The following MXI1 variants were observed in gnomAD, a reference collection of about 807,000 sequenced individuals.
MXI1 encodes max-interacting protein 1.
MXI1 carries 18 observed loss-of-function variants against 36.9 expected under a neutral mutation model. The observed-to-expected ratio is 0.49, with a 90% CI of 0.34 to 0.72. The LOEUF is 0.72. Ranked by LOEUF, MXI1 falls within the 30% of genes least tolerant of loss-of-function variation. The pLI, the probability that MXI1 is intolerant of heterozygous loss-of-function variation, is 0.01. For synonymous variants in MXI1, 160 were observed against 146.7 expected (o/e 1.09, Z -0.65); for missense variants, 304 against 379.1 (o/e 0.80, Z 1.64).
chr10:110,284,431 C>A (rs772678824), intron 5 of MXI1, among the ~76,000 whole-genome samples: 1 of 152,184 alleles, frequency 6.6e-6, no homozygotes, highest in Non-Finnish European at 1.5e-5. Context: ...CTCCTGCCCA[C>A]CCTTTAAGGC....
intron 1 of MXI1, among the ~76,000 whole-genome samples, chr10:110,217,890 C>G (rs1214478132): frequency 6.6e-6 from 1 of 152,182 alleles, no homozygotes; most frequent in East Asian, 1.9e-4. Context: ...TGATAATGCC[C>G]TCCTAGTATT....
chr10:110,216,062 A>T (rs1418307828), intron 1 of MXI1, among the ~76,000 whole-genome samples: 1 of 152,250 alleles, frequency 6.6e-6, no homozygotes, highest in African/African-American at 2.4e-5. Context: ...GTGGTCAAAA[A>T]TAATGGGCAT....
intron 3 of MXI1, among the ~76,000 whole-genome samples, chr10:110,269,170 A>G (rs990239193): frequency 1.3e-5 from 2 of 152,196 alleles, no homozygotes; most frequent in African/African-American, 4.8e-5. Context: ...AAGCATGGTT[A>G]CCACTTTTAA....
At chr10:110,273,916 T>TA (rs1856943762) in intron 3 of MXI1, among the ~76,000 whole-genome samples, 2 of 152,186 alleles carry the variant, frequency 1.3e-5, no homozygotes, top group Non-Finnish European at 2.9e-5. Flanking sequence ...ACAGGGGTAT[T>TA]AGAGTTTTGA....
chr10:110,279,946 C>A lies in MXI1; in HGVS notation c.585C>A (p.His195Gln), dbSNP rs770316059. 17 of 1,611,246 alleles carry A rather than the reference C, an allele frequency of 1.1e-5. No homozygotes were observed. The East Asian group carries it at 3.8e-4, about 36-fold the overall frequency. The change falls in exon 5 of 6, where the codon CAC becomes CAA. Residue 195 changes from histidine to glutamine, a missense_variant. By Grantham distance (24) the His-to-Gln change is conservative. Coordinates refer to ENST00000332674, the MANE Select transcript of MXI1 (RefSeq NM_130439.3). ...KLEEAERKSQHQLENLEREQR... is the reference protein window; with the variant it reads ...KLEEAERKSQQQLENLEREQR... Reference sequence around the variant, plus strand: ...AAGAAGCTGAAAGAAAAAGCCAGCACCAGCTCGAGAATTTGGAACGAGAAC... The same window carrying A: ...AAGAAGCTGAAAGAAAAAGCCAGCAACAGCTCGAGAATTTGGAACGAGAAC...
chr10:110,273,406 A>G (rs1222314045), intron 3 of MXI1, among the ~76,000 whole-genome samples: 1 of 152,166 alleles, frequency 6.6e-6, no homozygotes, highest in African/African-American at 2.4e-5. Flanking sequence ...ATGATCATAC[A>G]TGTTTTAGTA....
At chr10:110,214,465 C>G (rs1854580195) in intron 1 of MXI1, among the ~76,000 whole-genome samples, 2 of 151,930 alleles carry the variant, frequency 1.3e-5, no homozygotes, top group South Asian at 4.2e-4. Flanking sequence ...TATTAGAGGA[C>G]TTGGGGCTGT....
At chr10:110,259,686 T>A (rs1368025417) in intron 3 of MXI1, among the ~76,000 whole-genome samples, 1 of 152,064 alleles carries the variant, frequency 6.6e-6, no homozygotes, top group African/African-American at 2.4e-5. Flanking sequence ...AATGAAGAGA[T>A]TCAGATATTT....
intron 3 of MXI1, among the ~76,000 whole-genome samples, chr10:110,271,623 C>T (rs1055071787): frequency 6.6e-6 from 1 of 152,068 alleles, no homozygotes; most frequent in Non-Finnish European, 1.5e-5. Context: ...TATAAAAGCA[C>T]ATTTGGTTAT....
At chr10:110,282,758 CTTTT>C (rs780107704) in intron 5 of MXI1, among the ~76,000 whole-genome samples, 8 of 152,062 alleles carry the variant, frequency 5.3e-5, no homozygotes, top group South Asian at 4.1e-4. Context: ...GTTATGGGGG[CTTTT>C]AGTTAACATC....
chr10:110,277,065 C>T (rs535199845), intron 3 of MXI1, among the ~76,000 whole-genome samples: 40 of 152,160 alleles, frequency 2.6e-4, no homozygotes, highest in African/African-American at 6.7e-4. Context: ...AGGCTGGTCT[C>T]GAACTCTTGG....
intron 3 of MXI1, among the ~76,000 whole-genome samples, chr10:110,278,481 A>G (rs528809445): frequency 6.6e-6 from 1 of 152,300 alleles, no homozygotes; most frequent in South Asian, 2.1e-4. Flanking sequence ...GGATTATTTT[A>G]TGGGTTATTT....
intron 1 of MXI1, among the ~76,000 whole-genome samples, chr10:110,211,143 C>A (rs1285062678): frequency 8.6e-5 from 13 of 151,732 alleles, no homozygotes; most frequent in Non-Finnish European, 5.9e-5. Context: ...ACAACCTCCC[C>A]GCCTTCATTT....
At chr10:110,226,131 CCGG>C (rs1854958317) in intron 1 of MXI1, 19 of 1,302,360 alleles carry the variant, frequency 1.5e-5, no homozygotes, top group Non-Finnish European at 1.8e-5. Context: ...GGAACGGCGC[CCGG>C]CCGTAGCCGC....
intron 1 of MXI1, chr10:110,226,064 G>C (rs1182916448): frequency 9.9e-7 from 1 of 1,012,380 alleles, no homozygotes. Context: ...GGCAGGGGCG[G>C]CGGAGAGCGC....
chr10:110,224,979 C>G (rs1376438679), intron 1 of MXI1, among the ~76,000 whole-genome samples: 1 of 152,182 alleles, frequency 6.6e-6, no homozygotes, highest in Admixed American at 6.5e-5. Flanking sequence ...TCTCCGCTCT[C>G]TAACTTCCTT....
chr10:110,241,138 A>G (rs1855654930), intron 2 of MXI1, among the ~76,000 whole-genome samples: 2 of 152,008 alleles, frequency 1.3e-5, no homozygotes, highest in Admixed American at 1.3e-4. Flanking sequence ...ACTCCCATTC[A>G]AATAGGGAAT....
At chr10:110,218,730 A>G (rs1590329056) in intron 1 of MXI1, among the ~76,000 whole-genome samples, 1 of 152,128 alleles carries the variant, frequency 6.6e-6, no homozygotes, top group Non-Finnish European at 1.5e-5. Context: ...GTGGTTCTGC[A>G]TACTAGGGTG....
rs1431778870 is a variant in MXI1 at position 110,282,305 on chromosome 10, G to GT, written c.724+2226dup. On this transcript the variant is annotated intron_variant, in intron 5 of 5. Coordinates refer to ENST00000332674, the MANE Select transcript of MXI1 (RefSeq NM_130439.3). ...TTGCTGAGTAGGAGCCTTTTAAATAGTTTTTTCATCCTTTTTAACGCAACC... is the reference window on the plus strand; with the variant it reads ...TTGCTGAGTAGGAGCCTTTTAAATAGTTTTTTTCATCCTTTTTAACGCAACC... Among the ~76,000 whole-genome samples, 3 of 152,186 alleles carry GT rather than the reference G, an allele frequency of 2.0e-5. No homozygotes were observed. The South Asian group carries it at 6.2e-4, about 31-fold the overall frequency.
Sources: gnomAD v4.1 joint callset for allele counts (sites outside exome capture counted in the v4.1 genomes callset) on GRCh38, gnomAD v4.1.1 for gene constraint, MANE v1.5 for transcripts, NCBI Gene and HGNC (gene_info 2026-07-23, HGNC 2026-07-21) for gene names.